Variants in KCNT1 observed in about 807,000 individuals in gnomAD.
KCNT1 encodes the protein potassium channel subfamily T member 1.
A neutral mutation model predicts 147.8 loss-of-function variants in KCNT1; 78 were observed. The observed-to-expected ratio is 0.53, with a 90% CI of 0.44 to 0.64. KCNT1 has a LOEUF of 0.64. Ranked by LOEUF, KCNT1 falls within the 30% of genes least tolerant of loss-of-function variation. KCNT1 has a pLI of 0.00. For synonymous variants in KCNT1, 867 were observed against 748.8 expected (o/e 1.16, Z -2.58); for missense variants, 1,419 against 1,750.3 (o/e 0.81, Z 3.38).
At chr9:135,761,831 C>A (rs1831931927) in intron 11 of KCNT1, among the ~76,000 whole-genome samples, 1 of 152,218 alleles carries the variant, frequency 6.6e-6, no homozygotes, top group Admixed American at 6.5e-5. Flanking sequence ...CCCCCTTTCC[C>A]CTGTGGGCCC....
chr9:135,705,767 C>A (rs760492100), intron 1 of KCNT1, among the ~76,000 whole-genome samples: 9 of 152,224 alleles, frequency 5.9e-5, no homozygotes, highest in Non-Finnish European at 1.2e-4. Context: ...GGAGGTGAGA[C>A]CAGTACTAGC....
intron 29 of KCNT1, chr9:135,791,375 G>C: frequency 4.4e-6 from 1 of 226,688 alleles, no homozygotes; most frequent in South Asian, 6.7e-5. Context: ...GAATACAGAG[G>C]TGAATCTGCA....
intron 16 of KCNT1, 97 bp downstream of exon 16, chr9:135,770,152 A>AG (rs1445502208): frequency 5.1e-6 from 7 of 1,382,286 alleles, no homozygotes; most frequent in Non-Finnish European, 5.9e-6. Context: ...GGCTTCCCAG[A>AG]GGAGGGGCAC....
At position 135,770,349 on chromosome 9, in the gene KCNT1, C is replaced by T. The variant is rs772929290; in HGVS notation, c.1671C>T (p.Ser557=). The part of the protein sequence containing the change: ...EQWQRMYGRC[S]GNEVYHIRMG... ...GGCAGCGCATGTATGGGCGCTGCTC[C>T]GGCAACGAGGTGTACCACATCCGCA... Residue 557 remains serine (S), a synonymous_variant, in exon 17 of 31, where the codon TCC becomes TCT. Coordinates refer to ENST00000371757, the MANE Select transcript of KCNT1 (RefSeq NM_020822.3). 1.1e-5 allele frequency: 18 copies of T among 1,612,634 alleles called. No individual in the cohort carries two copies. The highest frequency in any genetic ancestry group is 2.2e-5 in the East Asian group (1 of 44,872).
At chr9:135,753,389 C>T (rs1352513657) in intron 4 of KCNT1, among the ~76,000 whole-genome samples, 4 of 152,168 alleles carry the variant, frequency 2.6e-5, no homozygotes, top group Non-Finnish European at 4.4e-5. Context: ...TGGTCACTGT[C>T]GCAGCAGCTG....
chr9:135,742,625 C>T (rs556663259), intron 2 of KCNT1: 4 of 653,710 alleles, frequency 6.1e-6, no homozygotes, highest in East Asian at 2.7e-5. Context: ...AGCCTCCCTG[C>T]GTGTCTGTGC....
At chr9:135,784,645 G>A (rs1833896259) in intron 26 of KCNT1, 27 bp downstream of exon 26, 1 of 1,610,290 alleles carries the variant, frequency 6.2e-7, no homozygotes, top group Non-Finnish European at 8.5e-7. Context: ...GCGCTGGGCT[G>A]GGGGCGTGCT....
At chr9:135,750,044 C>T in intron 2 of KCNT1, 54 bp from the exon 3 acceptor site, 1 of 1,469,898 alleles carries the variant, frequency 6.8e-7, no homozygotes. Flanking sequence ...CGGCGTGTCC[C>T]CAGCCTGAGT....
At position 135,770,875 on chromosome 9, in the gene KCNT1, C is replaced by T. The variant is rs373444768; in HGVS notation, c.1788C>T (p.Ile596=). 9.8e-5 allele frequency: 154 copies of T among 1,578,028 alleles called. No homozygotes were observed. Among genetic ancestry groups the T allele is most frequent in the Middle Eastern group, 1.7e-4 (1 of 6,006 alleles). ...HAHKKYGVCL[I]GLKREDNKSI... ...TGCCCAGGTATGGCGTGTGCCTCATCGGGCTGAAGCGGGAGGACAACAAGA... is the reference window on the plus strand; with the variant it reads ...TGCCCAGGTATGGCGTGTGCCTCATTGGGCTGAAGCGGGAGGACAACAAGA... Residue 596 remains isoleucine (I), a synonymous_variant, in exon 18 of 31, where the codon ATC becomes ATT. Transcript: ENST00000371757.
chr9:135,740,530 G>A (rs866012201), intron 2 of KCNT1, among the ~76,000 whole-genome samples: 2 of 152,214 alleles, frequency 1.3e-5, no homozygotes, highest in African/African-American at 2.4e-5. Context: ...AGTGGGGATG[G>A]CCCCTCCTCA....
At chr9:135,731,987 T>TAGAGAGAG (rs1564328006) in intron 2 of KCNT1, among the ~76,000 whole-genome samples, 20 of 21,834 alleles carry the variant, frequency 9.2e-4, no homozygotes, top group East Asian at 2.1e-3. Flanking sequence ...TATATATATA[T>TAGAGAGAG]ATATAGAGAG....
intron 10 of KCNT1, among the ~76,000 whole-genome samples, chr9:135,758,980 C>T (rs947258406): frequency 9.2e-5 from 14 of 152,216 alleles, no homozygotes; most frequent in Non-Finnish European, 1.9e-4. Flanking sequence ...TGGGTCCCAG[C>T]GAGGCCTGGT....
chr9:135,792,276 A>G lies in KCNT1; in HGVS notation c.*115A>G. 7.6e-7 allele frequency: 1 copy of G among 1,320,552 alleles called. No homozygotes were observed. The highest frequency in any genetic ancestry group is 1.0e-6 in the Non-Finnish European group (1 of 987,260). The allele number at this position is 1,320,552 out of a possible 1,614,324, so 81.8% of individuals were successfully genotyped here. Reference sequence around the variant, plus strand: ...ACCCTGGGGATGGCACACTCTACTCACCATGGCTCCTGGGACTCCACCCTG... The same window carrying G: ...ACCCTGGGGATGGCACACTCTACTCGCCATGGCTCCTGGGACTCCACCCTG... On this transcript the variant is annotated 3_prime_UTR_variant, in exon 31 of 31. Transcript: ENST00000371757.
intron 28 of KCNT1, 138 bp downstream of exon 28, chr9:135,785,468 G>A (rs916275790): frequency 8.6e-6 from 9 of 1,046,304 alleles, no homozygotes; most frequent in African/African-American, 1.8e-5. Flanking sequence ...CGGGTCCCAC[G>A]GATGTGTCGG....
At chr9:135,751,828 C>T (rs574645317) in intron 4 of KCNT1, among the ~76,000 whole-genome samples, 4 of 152,174 alleles carry the variant, frequency 2.6e-5, no homozygotes. Context: ...CCCTGGCACT[C>T]GGATGCTGTG....
chr9:135,792,130 AC>A lies in KCNT1; in HGVS notation c.3681del (p.Glu1228ArgfsTer37). 6.2e-7 allele frequency: 1 copy of A among 1,605,328 alleles called. No individual in the cohort carries two copies. The highest frequency in any genetic ancestry group is 8.5e-7 in the Non-Finnish European group (1 of 1,179,460). ...TGCAGCCACAAGCTGTCGTCCTGCAACCCCGAGACTCGCGACGAGACACAGC... is the reference window on the plus strand; with the variant it reads ...TGCAGCCACAAGCTGTCGTCCTGCAACCCGAGACTCGCGACGAGACACAGC... ...SSCSHKLSSC[N>X]PETRDETQL On this transcript the variant is annotated frameshift_variant, in exon 31 of 31. Transcript: ENST00000371757. LOFTEE classifies it high-confidence loss of function.
intron 13 of KCNT1, among the ~76,000 whole-genome samples, chr9:135,768,240 CG>C (rs751932639): frequency 0.027 from 138 of 5,076 alleles, 17 homozygotes; most frequent in African/African-American, 0.17. Context: ...AGGATGCCTG[CG>C]GGGGGGGGGG....
At chr9:135,769,199 G>A (rs1197094443) in intron 15 of KCNT1, among the ~76,000 whole-genome samples, 3 of 145,330 alleles carry the variant, frequency 2.1e-5, no homozygotes, top group Admixed American at 2.0e-4. Flanking sequence ...ACACGTGGGT[G>A]ACAGTGCATC....
At chr9:135,757,078 T>TGCCCC in intron 7 of KCNT1, 78 bp from the exon 8 acceptor site, 1 of 942,548 alleles carries the variant, frequency 1.1e-6, no homozygotes, top group Non-Finnish European at 1.6e-6. Context: ...CTCGCCCTCT[T>TGCCCC]CCCCACCCTG....
Sources: allele counts gnomAD v4.1 joint callset (sites outside exome capture counted in the v4.1 genomes callset), GRCh38; gene constraint gnomAD v4.1.1; transcripts MANE v1.5; gene names NCBI Gene and HGNC (gene_info 2026-07-23, HGNC 2026-07-21).